The following AMPH variants were observed in gnomAD, a reference collection of about 807,000 sequenced individuals.
The protein encoded by AMPH is amphiphysin, also known as amphiphysin (Stiff-Mann syndrome with breast cancer 128kD autoantigen).
A neutral mutation model predicts 99.1 loss-of-function variants in AMPH; 49 were observed. That is an observed-to-expected ratio of 0.49 (90% CI 0.39 to 0.63). The LOEUF (loss-of-function observed/expected upper bound fraction) is 0.63. Among genes scored for constraint, AMPH ranks in the 20% least tolerant of loss-of-function variants. The pLI, the probability that AMPH is intolerant of heterozygous loss-of-function variation, is 0.00. For synonymous variants in AMPH, 314 were observed against 317.3 expected, an observed-to-expected ratio of 0.99 and a Z score of 0.11; for missense variants, 759 against 863.4, an observed-to-expected ratio of 0.88 and a Z score of 1.52.
At chr7:38,452,224 C>T (rs936091468) in intron 11 of AMPH, among the ~76,000 whole-genome samples, 1 of 152,118 alleles carries the variant, frequency 6.6e-6, no homozygotes, top group Non-Finnish European at 1.5e-5. Flanking sequence ...ATAAAAATAG[C>T]AAGCTGGGGA....
intron 1 of AMPH, among the ~76,000 whole-genome samples, chr7:38,584,271 C>G (rs994238685): frequency 1.3e-5 from 2 of 152,188 alleles, no homozygotes; most frequent in African/African-American, 4.8e-5. Context: ...GGATAACAAG[C>G]TATTCCAGAT....
At chr7:38,483,863 C>T (rs1444278296) in intron 5 of AMPH, among the ~76,000 whole-genome samples, 1 of 152,022 alleles carries the variant, frequency 6.6e-6, no homozygotes, top group African/African-American at 2.4e-5. Context: ...TTCAAAGTAA[C>T]TGTCACTCAG....
intron 1 of AMPH, among the ~76,000 whole-genome samples, chr7:38,551,846 G>A (rs1328672609): frequency 3.9e-5 from 6 of 152,184 alleles, no homozygotes; most frequent in Non-Finnish European, 8.8e-5. Flanking sequence ...GTAAAGAAAT[G>A]TCTGCATGAC....
chr7:38,622,129 G>A (rs1258500617), intron 1 of AMPH, among the ~76,000 whole-genome samples: 3 of 152,128 alleles, frequency 2.0e-5, no homozygotes, highest in Non-Finnish European at 4.4e-5. Context: ...TGAGAATGTA[G>A]GAAAAATTAT....
chr7:38,516,441 C>T (rs1789744780), intron 2 of AMPH, among the ~76,000 whole-genome samples: 1 of 152,194 alleles, frequency 6.6e-6, no homozygotes, highest in Non-Finnish European at 1.5e-5. Flanking sequence ...TGATGACTTC[C>T]ATACAGTGTT....
Position 38,390,961 on chromosome 7 carries a change from CAGAGAGAGAGAGAGAGAGAGAGAG to C in AMPH, c.1878+763_1878+786del, listed in dbSNP as rs199667568. On this transcript the variant is annotated intron_variant, in intron 19 of 20. Coordinates refer to ENST00000356264, the MANE Select transcript of AMPH (RefSeq NM_001635.4). Reference sequence around the variant, plus strand: ...ACTTTCTAATGGAGAGAGACAAAGACAGAGAGAGAGAGAGAGAGAGAGAGAGAGAGAGAGAGAGAGAGAGAGAGA... The same window carrying C: ...ACTTTCTAATGGAGAGAGACAAAGACAGAGAGAGAGAGAGAGAGAGAGAGA... 1.6e-4 allele frequency among the ~76,000 whole-genome samples: 21 copies of C among 129,298 alleles called. No individual in the cohort carries two copies. The East Asian group carries it at 1.6e-3, about 10-fold the overall frequency. 84.8% of individuals were successfully genotyped at this position (129,298 alleles called of 152,430 possible).
intron 9 of AMPH, chr7:38,463,957 C>T: frequency 1.3e-6 from 1 of 797,768 alleles, no homozygotes; most frequent in South Asian, 1.4e-5. Flanking sequence ...ATTCAAAGGG[C>T]TGAGGAAACT....
intron 1 of AMPH, among the ~76,000 whole-genome samples, chr7:38,599,035 T>C (rs1481978292): frequency 6.6e-6 from 1 of 152,204 alleles, no homozygotes; most frequent in Non-Finnish European, 1.5e-5. Flanking sequence ...AATTTCTATA[T>C]AGTGCCTAAA....
intron 17 of AMPH, among the ~76,000 whole-genome samples, chr7:38,411,002 T>C (rs1785200608): frequency 1.3e-5 from 2 of 152,202 alleles, no homozygotes; most frequent in African/African-American, 4.8e-5. Context: ...ATGAGACGTG[T>C]TGATAAATAT....
intron 1 of AMPH, among the ~76,000 whole-genome samples, chr7:38,597,572 T>A (rs1793104675): frequency 6.6e-6 from 1 of 152,072 alleles, no homozygotes; most frequent in Non-Finnish European, 1.5e-5. Flanking sequence ...CATGCTGAGG[T>A]GAATTATCTT....
intron 1 of AMPH, among the ~76,000 whole-genome samples, chr7:38,568,064 C>T (rs1017206832): frequency 6.6e-6 from 1 of 152,034 alleles, no homozygotes; most frequent in Non-Finnish European, 1.5e-5. Context: ...TTAACTTTTC[C>T]AAGTGTCTTC....
intron 17 of AMPH, among the ~76,000 whole-genome samples, chr7:38,408,174 A>T (rs760295277): frequency 1.3e-5 from 2 of 152,238 alleles, no homozygotes; most frequent in Non-Finnish European, 2.9e-5. Flanking sequence ...AAGACCACAC[A>T]TCTCTCAAGT....
intron 17 of AMPH, among the ~76,000 whole-genome samples, chr7:38,406,731 C>CCTCTCTCTCTCT (rs56738810): frequency 1.4e-3 from 113 of 80,478 alleles, no homozygotes; most frequent in African/African-American, 5.5e-3. Context: ...TCTCCCTTTC[C>CCTCTCTCTCTCT]CTCTCTCTCT....
intron 3 of AMPH, among the ~76,000 whole-genome samples, chr7:38,502,734 C>T (rs955564427): frequency 2.6e-5 from 4 of 152,170 alleles, no homozygotes; most frequent in Non-Finnish European, 5.9e-5. Context: ...CTAATAAAAC[C>T]CTGTGTCTTG....
chr7:38,535,740 T>C (rs1790574265), intron 1 of AMPH, among the ~76,000 whole-genome samples: 1 of 152,198 alleles, frequency 6.6e-6, no homozygotes, highest in African/African-American at 2.4e-5. Context: ...GCTTGAAACC[T>C]AGATCTCTCG....
At position 38,627,654 on chromosome 7, in the gene AMPH, C is replaced by CAA. The variant is rs34354956; in HGVS notation, c.69+3627_69+3628dup. 6.5e-3 allele frequency among the ~76,000 whole-genome samples: 621 copies of CAA among 96,192 alleles called. 17 individuals carry two copies. Among genetic ancestry groups the CAA allele is most frequent in the East Asian group, 0.019 (53 of 2,806 alleles). 63.1% of individuals were successfully genotyped at this position (96,192 alleles called of 152,430 possible). A position where few individuals can be genotyped will look rare whatever the true frequency, so the allele number is the denominator to read the frequency against. On this transcript the variant is annotated intron_variant, in intron 1 of 20. Transcript: ENST00000356264. The stretch of plus-strand genomic sequence containing the variant: ...TGGGTGACAGAGCGAGACTCTGTCT[C>CAA]AAAAAAAAAAAAAAAAAAGCTAAAG...
chr7:38,496,878 A>C (rs779787654), intron 3 of AMPH, among the ~76,000 whole-genome samples: 22 of 152,232 alleles, frequency 1.4e-4, no homozygotes, highest in African/African-American at 3.9e-4. Context: ...TCTTAAGAGA[A>C]GAAAAAGAAA....
chr7:38,589,386 C>T (rs1792773724), intron 1 of AMPH, among the ~76,000 whole-genome samples: 1 of 152,188 alleles, frequency 6.6e-6, no homozygotes, highest in Non-Finnish European at 1.5e-5. Context: ...CCTACTTTTA[C>T]CTTAATCCTC....
chr7:38,534,769 C>A (rs1399376363), intron 2 of AMPH, among the ~76,000 whole-genome samples, 162 bp downstream of exon 2: 1 of 152,144 alleles, frequency 6.6e-6, no homozygotes. Flanking sequence ...TGGCTCTTTC[C>A]CCGTCTTCAA....
Sources: allele counts gnomAD v4.1 joint callset (sites outside exome capture counted in the v4.1 genomes callset), GRCh38; gene constraint gnomAD v4.1.1; transcripts MANE v1.5; gene names NCBI Gene and HGNC (gene_info 2026-07-23, HGNC 2026-07-21).